Variants in NMT2 observed in about 807,000 individuals in gnomAD.
NMT2 encodes the protein glycylpeptide N-tetradecanoyltransferase 2.
NMT2 carries 35 observed loss-of-function variants against 65.4 expected under a neutral mutation model. That is an observed-to-expected ratio of 0.54 (90% CI 0.41 to 0.71). The LOEUF is 0.71. Ranked by LOEUF, NMT2 falls within the 30% of genes least tolerant of loss-of-function variation. The probability of loss-of-function intolerance (pLI) is 0.00; values close to 1 mark genes in which losing one functional copy is unlikely to be tolerated. For missense variants in NMT2, 489 were observed against 611.3 expected, an observed-to-expected ratio of 0.80 and a Z score of 2.11; for synonymous variants, 226 against 231.8, an observed-to-expected ratio of 0.98 and a Z score of 0.23.
chr10:15,115,390 C>T (rs1012919050), intron 9 of NMT2, among the ~76,000 whole-genome samples: 1 of 152,052 alleles, frequency 6.6e-6, no homozygotes, highest in African/African-American at 2.4e-5. Flanking sequence ...TGTTACCAAT[C>T]GACTATAAGT....
intron 1 of NMT2, among the ~76,000 whole-genome samples, chr10:15,160,179 C>T (rs1833140142): frequency 6.6e-6 from 1 of 152,228 alleles, no homozygotes; most frequent in Non-Finnish European, 1.5e-5. Context: ...TTCTGCGCTA[C>T]TCTGTAATCA....
At chr10:15,147,095 C>CAAAAAAAAAAAAAAAAAAAAAAAAA (rs34668178) in intron 1 of NMT2, among the ~76,000 whole-genome samples, 1 of 44,518 alleles carries the variant, frequency 2.2e-5, no homozygotes, top group African/African-American at 5.4e-5. Context: ...CTCTCGCTCT[C>CAAAAAAAAAAAAAAAAAAAAAAAAA]AAAAAAAAAA....
Position 15,129,438 on chromosome 10 carries a change from C to T in NMT2, c.890+704G>A, listed in dbSNP as rs561839314. Among the ~76,000 whole-genome samples the T allele has an allele frequency of 5.9e-5, 9 of 152,286 alleles. No homozygotes were observed. In the East Asian group the frequency reaches 1.5e-3, roughly 26 times the overall value. ...ATAACCTGTGAAAGCTTGACTAGTG[C>T]AGACGAAGTTGTAAAAACATAGCTT... On this transcript the variant is annotated intron_variant, in intron 7 of 11. Coordinates refer to ENST00000378165, the MANE Select transcript of NMT2 (RefSeq NM_004808.3).
chr10:15,131,859 A>T (rs779021043), intron 6 of NMT2, among the ~76,000 whole-genome samples: 1 of 152,042 alleles, frequency 6.6e-6, no homozygotes. Flanking sequence ...TCTCCTAAAA[A>T]ATTTTTAAGT....
Position 15,132,900 on chromosome 10 carries a change from C to T in NMT2, c.636G>A (p.Trp212Ter). The T allele has an allele frequency of 6.2e-7, 1 of 1,613,550 alleles. No individual in the cohort carries two copies. The highest frequency in any genetic ancestry group is 8.5e-7 in the Non-Finnish European group (1 of 1,179,644). Residue 212 changes from tryptophan to a stop codon, truncating the protein, a stop_gained, in exon 6 of 12, where the codon TGG becomes TGA. Coordinates refer to ENST00000378165, the MANE Select transcript of NMT2 (RefSeq NM_004808.3). LOFTEE classifies it high-confidence loss of function. ...ALRPPGWLLQ[W>*]HCGVRVSSNK... Reference sequence around the variant, plus strand: ...TTGAAGACACTCTGACCCCACAGTGCCACTGCAGGAGCCAGCCTGGTGGAC... The same window carrying T: ...TTGAAGACACTCTGACCCCACAGTGTCACTGCAGGAGCCAGCCTGGTGGAC...
chr10:15,140,702 T>A (rs552809203), intron 2 of NMT2, among the ~76,000 whole-genome samples: 26 of 152,170 alleles, frequency 1.7e-4, no homozygotes, highest in African/African-American at 6.0e-4. Flanking sequence ...CTTTTCACTG[T>A]GAGTTTCTTG....
At chr10:15,117,647 G>A (rs1845788725) in intron 9 of NMT2, among the ~76,000 whole-genome samples, 1 of 152,196 alleles carries the variant, frequency 6.6e-6, no homozygotes, top group Admixed American at 6.5e-5. Flanking sequence ...GAAATCACAA[G>A]GAATCTACAC....
chr10:15,108,973 CA>C lies in NMT2; in HGVS notation c.*221del, dbSNP rs1845411293. 7.6e-7 allele frequency: 1 copy of C among 1,314,952 alleles called. No individual in the cohort carries two copies. Among genetic ancestry groups the C allele is most frequent in the African/African-American group, 1.5e-5 (1 of 64,994 alleles). The allele number at this position is 1,314,952 out of a possible 1,614,324, so 81.5% of individuals were successfully genotyped here. On this transcript the variant is annotated 3_prime_UTR_variant, in exon 12 of 12. Coordinates refer to ENST00000378165, the MANE Select transcript of NMT2 (RefSeq NM_004808.3). ...CAAGAATGTGCTCTTTGTAGCCTTT[CA>C]TCCCTCCCACAAATAGGTCAACAGT...
rs114187472 is a variant in NMT2, at chr10:15,122,134, C to T, written c.1000-2621G>A. Among the ~76,000 whole-genome samples the T allele has an allele frequency of 8.7e-3, 1,317 of 152,208 alleles. 26 individuals are homozygous for T. The highest frequency in any genetic ancestry group is 0.03 in the African/African-American group (1,231 of 41,526). ...CTTAGCTTGATAAATTTCAAATAGC[C>T]TTTCTCAATATCAGAATTTTTTTTC... On this transcript the variant is annotated intron_variant, in intron 8 of 11. Coordinates refer to ENST00000378165, the MANE Select transcript of NMT2 (RefSeq NM_004808.3).
intron 6 of NMT2, 128 bp from the exon 7 acceptor site, chr10:15,130,440 C>T: frequency 1.3e-6 from 1 of 743,048 alleles, no homozygotes. Context: ...GGAACACTGG[C>T]TGTCGCCTGT....
intron 8 of NMT2, among the ~76,000 whole-genome samples, chr10:15,125,906 C>T (rs1412320587): frequency 6.6e-6 from 1 of 152,016 alleles, no homozygotes; most frequent in African/African-American, 2.4e-5. Flanking sequence ...ACCTTGTGAT[C>T]TGCCCGCCTT....
At chr10:15,164,492 G>A (rs964800822) in intron 1 of NMT2, among the ~76,000 whole-genome samples, 1 of 152,108 alleles carries the variant, frequency 6.6e-6, no homozygotes, top group African/African-American at 2.4e-5. Context: ...TCCAACAATG[G>A]ACCATAACAT....
At chr10:15,151,297 T>C (rs1181415588) in intron 1 of NMT2, among the ~76,000 whole-genome samples, 1 of 152,180 alleles carries the variant, frequency 6.6e-6, no homozygotes, top group African/African-American at 2.4e-5. Context: ...CCTCAGGTCA[T>C]CTGCCCGCCT....
chr10:15,130,065 T>C (rs1846222666), intron 7 of NMT2, 77 bp downstream of exon 7: 3 of 1,164,174 alleles, frequency 2.6e-6, no homozygotes, highest in Non-Finnish European at 3.4e-6. Flanking sequence ...CAGCAAAAAC[T>C]ACATCTAGCA....
At chr10:15,139,468 G>T (rs947989605) in intron 2 of NMT2, among the ~76,000 whole-genome samples, 1 of 152,084 alleles carries the variant, frequency 6.6e-6, no homozygotes, top group Non-Finnish European at 1.5e-5. Context: ...AGAGACCAAT[G>T]GTGATGCTGA....
intron 1 of NMT2, among the ~76,000 whole-genome samples, chr10:15,141,822 A>G (rs1202702289): frequency 6.6e-6 from 1 of 152,254 alleles, no homozygotes; most frequent in Non-Finnish European, 1.5e-5. Context: ...CACATTTTAT[A>G]ACTGAAGTAA....
intron 1 of NMT2, among the ~76,000 whole-genome samples, chr10:15,156,441 C>T (rs549513486): frequency 7.2e-5 from 11 of 152,252 alleles, no homozygotes; most frequent in Admixed American, 4.6e-4. Context: ...AAAAATTACC[C>T]GGTCTAACGT....
intron 1 of NMT2, among the ~76,000 whole-genome samples, chr10:15,160,773 C>CA (rs1833161021): frequency 6.6e-6 from 1 of 150,750 alleles, no homozygotes; most frequent in South Asian, 2.1e-4. Context: ...GACTCCATTG[C>CA]AAAAAATAAA....
chr10:15,157,759 C>T (rs1205355353), intron 1 of NMT2, among the ~76,000 whole-genome samples: 1 of 152,126 alleles, frequency 6.6e-6, no homozygotes, highest in Non-Finnish European at 1.5e-5. Flanking sequence ...AAAATTAATT[C>T]ATTGACCCAT....
Sources: gnomAD v4.1 joint callset for allele counts (sites outside exome capture counted in the v4.1 genomes callset) on GRCh38, gnomAD v4.1.1 for gene constraint, MANE v1.5 for transcripts, NCBI Gene and HGNC (gene_info 2026-07-23, HGNC 2026-07-21) for gene names.